LRRC7: variants seen among roughly 807,000 people sequenced by gnomAD.
LRRC7 encodes leucine-rich repeat-containing protein 7.
A neutral mutation model predicts 175.7 loss-of-function variants in LRRC7; 23 were observed. The ratio of observed to expected loss-of-function variants is 0.13; its 90% CI spans 0.09 to 0.19. LRRC7 has a LOEUF of 0.19. Among genes scored for constraint, LRRC7 ranks in the 10% least tolerant of loss-of-function variants. The pLI is 1.00. For missense variants in LRRC7, 1,354 were observed against 1,904.7 expected (o/e 0.71, Z 5.38); for synonymous variants, 685 against 680.9 (o/e 1.01, Z -0.09).
chr1:69,582,165 C>T (rs1374578340), intron 1 of LRRC7, among the ~76,000 whole-genome samples: 1 of 152,120 alleles, frequency 6.6e-6, no homozygotes, highest in African/African-American at 2.4e-5. Flanking sequence ...GAATCCTTTG[C>T]TCATGGATAC....
chr1:69,685,609 A>T (rs1424659900), intron 2 of LRRC7, among the ~76,000 whole-genome samples: 1 of 152,182 alleles, frequency 6.6e-6, no homozygotes, highest in African/African-American at 2.4e-5. Flanking sequence ...TTGAATCAAT[A>T]GTAGAGTGAA....
At chr1:69,609,035 A>T (rs1463800468) in intron 1 of LRRC7, among the ~76,000 whole-genome samples, 1 of 151,444 alleles carries the variant, frequency 6.6e-6, no homozygotes, top group Non-Finnish European at 1.5e-5. Context: ...TGGAAAAAAA[A>T]TGTCCAGATA....
chr1:69,937,624 G>T (rs1648183132), intron 8 of LRRC7, among the ~76,000 whole-genome samples: 1 of 151,764 alleles, frequency 6.6e-6, no homozygotes, highest in Admixed American at 6.6e-5. Context: ...TTATCTGTAG[G>T]TTCATATTAC....
intron 5 of LRRC7, among the ~76,000 whole-genome samples, chr1:69,827,280 G>A (rs563441324): frequency 2.0e-4 from 31 of 152,088 alleles, no homozygotes; most frequent in Admixed American, 9.2e-4. Flanking sequence ...CTAGTAGCTC[G>A]TCTTATTTAG....
chr1:69,754,835 C>T (rs1670226559), intron 2 of LRRC7, among the ~76,000 whole-genome samples: 1 of 151,814 alleles, frequency 6.6e-6, no homozygotes, highest in African/African-American at 2.4e-5. Context: ...AGTAAATCTG[C>T]ATTAGACATT....
chr1:70,142,767 C>T lies in LRRC7; in HGVS notation c.*20880C>T, dbSNP rs1259095189. On this transcript the variant is annotated 3_prime_UTR_variant, in exon 27 of 27. Transcript: ENST00000651989. ...CCAGCTATATATAAGAAAACCATAA[C>T]ATGAACTAGGGTCTTTCTATTCAAA... 3 of 152,098 alleles carry T rather than the reference C, an allele frequency of 2.0e-5. No individual in the cohort carries two copies. Among genetic ancestry groups the T allele is most frequent in the Non-Finnish European group, 4.4e-5 (3 of 67,964 alleles). 9.4% of individuals were successfully genotyped at this position (152,098 alleles called of 1,614,324 possible).
intron 1 of LRRC7, among the ~76,000 whole-genome samples, chr1:69,662,045 C>T (rs1056445625): frequency 6.6e-6 from 1 of 152,042 alleles, no homozygotes; most frequent in Non-Finnish European, 1.5e-5. Context: ...CAACTTTGCT[C>T]AGGTGGGAAG....
intron 11 of LRRC7, among the ~76,000 whole-genome samples, chr1:69,999,282 A>G (rs1473916217): frequency 1.3e-5 from 2 of 152,212 alleles, no homozygotes; most frequent in African/African-American, 4.8e-5. Context: ...TTGCTTGGAC[A>G]AAAGGCTTAT....
At chr1:69,930,853 A>G (rs907611126) in intron 7 of LRRC7, among the ~76,000 whole-genome samples, 1 of 150,890 alleles carries the variant, frequency 6.6e-6, no homozygotes, top group Non-Finnish European at 1.5e-5. Flanking sequence ...TCTCATGAGA[A>G]TTCTCACTTT....
Position 69,969,107 on chromosome 1 carries a change from C to T in LRRC7, c.712-11272C>T, listed in dbSNP as rs116406477. Reference sequence around the variant, plus strand: ...TGCTGGGATTACAGATGTGAGCCACCGTGCCTGGCCAAGGAGCTCTAAATC... The same window carrying T: ...TGCTGGGATTACAGATGTGAGCCACTGTGCCTGGCCAAGGAGCTCTAAATC... On this transcript the variant is annotated intron_variant, in intron 8 of 26. Transcript: ENST00000651989. 3.9e-3 allele frequency among the ~76,000 whole-genome samples: 591 copies of T among 152,044 alleles called. 3 individuals carry two copies. The highest frequency in any genetic ancestry group is 0.013 in the African/African-American group (553 of 41,456).
intron 11 of LRRC7, among the ~76,000 whole-genome samples, chr1:70,004,572 G>A (rs1412199659): frequency 2.0e-5 from 3 of 152,124 alleles, no homozygotes; most frequent in Non-Finnish European, 2.9e-5. Flanking sequence ...GAGGTACACA[G>A]TAATTAAGTA....
At chr1:69,605,338 C>T (rs927343123) in intron 1 of LRRC7, among the ~76,000 whole-genome samples, 3 of 152,096 alleles carry the variant, frequency 2.0e-5, no homozygotes, top group African/African-American at 7.2e-5. Context: ...TCCATAAAAC[C>T]TCTTTTTCTT....
At chr1:69,939,547 A>G (rs1432797007) in intron 8 of LRRC7, among the ~76,000 whole-genome samples, 1 of 152,098 alleles carries the variant, frequency 6.6e-6, no homozygotes, top group Non-Finnish European at 1.5e-5. Flanking sequence ...ACTTGTCAAA[A>G]TGGCAGTGTG....
intron 2 of LRRC7, among the ~76,000 whole-genome samples, chr1:69,701,158 C>T (rs1452230476): frequency 7.2e-5 from 11 of 152,118 alleles, no homozygotes; most frequent in Admixed American, 5.9e-4. Context: ...CAATAAACTC[C>T]TCTCTAAATT....
chr1:69,686,527 T>C (rs1282926922), intron 2 of LRRC7, among the ~76,000 whole-genome samples: 3 of 152,176 alleles, frequency 2.0e-5, no homozygotes, highest in Non-Finnish European at 4.4e-5. Context: ...ATAACACTGA[T>C]ACCAGTAGAC....
At chr1:70,046,210 G>C (rs1660316776) in intron 22 of LRRC7, among the ~76,000 whole-genome samples, 1 of 151,984 alleles carries the variant, frequency 6.6e-6, no homozygotes, top group African/African-American at 2.4e-5. Flanking sequence ...CAATACACTT[G>C]AAACAATGTT....
intron 1 of LRRC7, among the ~76,000 whole-genome samples, chr1:69,650,496 C>T (rs1040789474): frequency 1.5e-5 from 2 of 132,372 alleles, no homozygotes; most frequent in Non-Finnish European, 3.1e-5. Flanking sequence ...GCCGAGATCG[C>T]GCCACTGCAC....
chr1:69,718,877 A>G (rs965022486), intron 2 of LRRC7, among the ~76,000 whole-genome samples: 15 of 151,874 alleles, frequency 9.9e-5, no homozygotes, highest in African/African-American at 3.1e-4. Context: ...GCAATTAGTC[A>G]GTAATTGGGA....
chr1:70,116,798 T>A (rs1320167266), intron 26 of LRRC7, among the ~76,000 whole-genome samples: 2 of 152,158 alleles, frequency 1.3e-5, no homozygotes, highest in South Asian at 4.1e-4. Context: ...CAGCCCTAAA[T>A]ATATCCCAAT....
Sources: allele counts gnomAD v4.1 joint callset (sites outside exome capture counted in the v4.1 genomes callset), GRCh38; gene constraint gnomAD v4.1.1; transcripts MANE v1.5; gene names NCBI Gene and HGNC (gene_info 2026-07-23, HGNC 2026-07-21).